STAM2: variants seen among roughly 807,000 people sequenced by gnomAD.
The protein encoded by STAM2 is signal transducing adapter molecule 2.
STAM2 carries 51 observed loss-of-function variants against 65.6 expected under a neutral mutation model. That is an observed-to-expected ratio of 0.78 (90% CI 0.62 to 0.98). The LOEUF (loss-of-function observed/expected upper bound fraction) is 0.98. Among genes scored for constraint, STAM2 ranks in the 50% least tolerant of loss-of-function variants. The pLI, the probability that STAM2 is intolerant of heterozygous loss-of-function variation, is 0.00. For synonymous variants in STAM2, 198 were observed against 208.4 expected (o/e 0.95, Z 0.43); for missense variants, 584 against 617.8 (o/e 0.95, Z 0.58).
intron 1 of STAM2, among the ~76,000 whole-genome samples, chr2:152,171,352 T>C (rs1402861481): frequency 2.0e-5 from 3 of 152,154 alleles, no homozygotes; most frequent in Admixed American, 6.5e-5. Context: ...CTACAAAATA[T>C]ATTAGAAAAA....
At chr2:152,137,426 CT>C (rs958994424) in intron 7 of STAM2, among the ~76,000 whole-genome samples, 11 of 152,002 alleles carry the variant, frequency 7.2e-5, no homozygotes, top group South Asian at 2.1e-4. Flanking sequence ...TGTAAACTGC[CT>C]TTTTTTTCGT....
At chr2:152,126,943 C>T (rs1688973639) in intron 11 of STAM2, among the ~76,000 whole-genome samples, 1 of 152,198 alleles carries the variant, frequency 6.6e-6, no homozygotes, top group Admixed American at 6.5e-5. Context: ...GATGTTTGCA[C>T]AGCAGTGTTA....
chr2:152,153,850 T>C (rs1305941364), intron 1 of STAM2, among the ~76,000 whole-genome samples: 7 of 150,480 alleles, frequency 4.7e-5, no homozygotes, highest in Admixed American at 2.0e-4. Context: ...CCAATCCCTT[T>C]TAAAACTATG....
chr2:152,149,383 TA>T (rs1689398378), intron 2 of STAM2, among the ~76,000 whole-genome samples: 2 of 152,010 alleles, frequency 1.3e-5, no homozygotes, highest in South Asian at 2.1e-4. Context: ...GTCCCAAAAG[TA>T]AAACAACTGA....
intron 1 of STAM2, among the ~76,000 whole-genome samples, chr2:152,171,083 T>C (rs537458362): frequency 2.0e-4 from 30 of 152,278 alleles, no homozygotes; most frequent in African/African-American, 6.7e-4. Context: ...AAACAATATA[T>C]AGTATATTTG....
intron 7 of STAM2, among the ~76,000 whole-genome samples, chr2:152,142,231 A>G (rs1411947171): frequency 6.6e-6 from 1 of 152,236 alleles, no homozygotes; most frequent in Non-Finnish European, 1.5e-5. Flanking sequence ...GCAGTTACAA[A>G]TAAAAAAGTT....
chr2:152,122,074 ATAT>A (rs1688865259), intron 13 of STAM2, among the ~76,000 whole-genome samples: 1 of 135,558 alleles, frequency 7.4e-6, no homozygotes, highest in East Asian at 2.5e-4. Context: ...ATATATATAT[ATAT>A]GTGTGTGTGT....
At chr2:152,160,997 T>C (rs1689662367) in intron 1 of STAM2, among the ~76,000 whole-genome samples, 1 of 152,072 alleles carries the variant, frequency 6.6e-6, no homozygotes, top group Admixed American at 6.5e-5. Context: ...CTGGGAGGTG[T>C]ACCCAACAGC....
At chr2:152,155,255 C>T (rs957690529) in intron 1 of STAM2, among the ~76,000 whole-genome samples, 8 of 152,168 alleles carry the variant, frequency 5.3e-5, no homozygotes, top group African/African-American at 1.9e-4. Context: ...ATCCCATTAG[C>T]CTGGTACAAT....
intron 1 of STAM2, among the ~76,000 whole-genome samples, chr2:152,153,911 C>A (rs563795521): frequency 1.3e-5 from 2 of 151,702 alleles, no homozygotes; most frequent in African/African-American, 4.9e-5. Flanking sequence ...CACACACACA[C>A]ACACACACGC....
intron 1 of STAM2, among the ~76,000 whole-genome samples, chr2:152,150,859 T>C (rs1041921927): frequency 4.6e-5 from 7 of 152,086 alleles, no homozygotes; most frequent in African/African-American, 1.7e-4. Flanking sequence ...CACTGTCCAA[T>C]AAAGCATTGG....
At chr2:152,137,999 T>C (rs1257322182) in intron 7 of STAM2, among the ~76,000 whole-genome samples, 1 of 152,152 alleles carries the variant, frequency 6.6e-6, no homozygotes, top group East Asian at 1.9e-4. Flanking sequence ...TGTACCTTAA[T>C]ATCTGCCAGG....
rs574737335 is a variant in STAM2, at chr2:152,137,323, A to G, written c.705-1720T>C. The stretch of plus-strand genomic sequence containing the variant: ...TGATAATTTTCCCAACTAACACTTG[A>G]TAATCAGACAGGAGAGAAATCGTAT... On this transcript the variant is annotated intron_variant, in intron 7 of 13. Transcript: ENST00000263904. Among the ~76,000 whole-genome samples the G allele has an allele frequency of 2.6e-5, 4 of 152,342 alleles. No homozygotes were observed. The South Asian group carries it at 8.3e-4, about 32-fold the overall frequency.
chr2:152,129,733 T>C (rs1409101496), intron 11 of STAM2, among the ~76,000 whole-genome samples: 1 of 152,264 alleles, frequency 6.6e-6, no homozygotes, highest in African/African-American at 2.4e-5. Flanking sequence ...CAGCCACATC[T>C]ATCATAATAC....
At position 152,117,716 on chromosome 2, in the gene STAM2, T is replaced by C. The variant is rs1301726013; in HGVS notation, c.*2858A>G. The C allele has an allele frequency of 1.3e-5, 2 of 152,206 alleles. No homozygotes were observed. Among genetic ancestry groups the C allele is most frequent in the African/African-American group, 4.8e-5 (2 of 41,466 alleles). 9.4% of individuals were successfully genotyped at this position (152,206 alleles called of 1,614,324 possible). ...TAGAACTCAGGGGCTTTTAAATTTA[T>C]GTTTTTACTAAGAAAACCTTTTTAA... On this transcript the variant is annotated 3_prime_UTR_variant, in exon 14 of 14. Coordinates refer to ENST00000263904, the MANE Select transcript of STAM2 (RefSeq NM_005843.6).
At chr2:152,125,486 A>G (rs546843173) in intron 12 of STAM2, among the ~76,000 whole-genome samples, 38 of 152,320 alleles carry the variant, frequency 2.5e-4, no homozygotes, top group Non-Finnish European at 4.9e-4. Context: ...CTCATTCTGA[A>G]TTCAATTGGC....
chr2:152,162,786 G>A (rs114959762), intron 1 of STAM2, among the ~76,000 whole-genome samples: 1,719 of 149,350 alleles, frequency 0.012, 33 homozygotes, highest in African/African-American at 0.04. Context: ...GGATATAGGC[G>A]CACGCCACCA....
In STAM2 at chr2:152,132,044, T is replaced by A. The variant is rs190530803; in HGVS notation, c.1025+70A>T. ...ACAGTTCCACAAAAACTTTCCCTAC[T>A]TTACTGTTTGCCAAAACACAAGTGA... On this transcript the variant is annotated intron_variant, in intron 11 of 13. Coordinates refer to ENST00000263904, the MANE Select transcript of STAM2 (RefSeq NM_005843.6). 410 of 1,150,556 alleles carry A rather than the reference T, an allele frequency of 3.6e-4. 1 individual carries two copies. The African/African-American group carries it at 6.1e-3, about 17-fold the overall frequency. 71.3% of individuals were successfully genotyped at this position (1,150,556 alleles called of 1,614,324 possible).
rs1455544889 is a variant in STAM2, at chr2:152,120,699, CAGACAT to C, written c.1447_1452del (p.Met483_Ser484del). On this transcript the variant is annotated inframe_deletion, in exon 14 of 14. Transcript: ENST00000263904. Reference sequence around the variant, plus strand: ...GTGTTCTGATAAGATGACATATCCACAGACATCCCCATTTGCTGTGTGTAAGCAGTT... The same window carrying C: ...GTGTTCTGATAAGATGACATATCCACCCCCATTTGCTGTGTGTAAGCAGTT... The C allele has an allele frequency of 1.2e-6, 2 of 1,614,042 alleles. No individual in the cohort carries two copies. The highest frequency in any genetic ancestry group is 1.7e-6 in the Non-Finnish European group (2 of 1,180,028).
Sources: allele counts gnomAD v4.1 joint callset (sites outside exome capture counted in the v4.1 genomes callset), GRCh38; gene constraint gnomAD v4.1.1; transcripts MANE v1.5; gene names NCBI Gene and HGNC (gene_info 2026-07-23, HGNC 2026-07-21).